Variants in SLC10A7 observed in about 807,000 individuals in gnomAD.
SLC10A7 encodes sodium/bile acid cotransporter 7.
In SLC10A7, 29 loss-of-function variants were observed where a neutral mutation model predicts 43.2. The ratio of observed to expected loss-of-function variants is 0.67; its 90% CI spans 0.50 to 0.92. The LOEUF (loss-of-function observed/expected upper bound fraction) is 0.92. Ranked by LOEUF, SLC10A7 falls within the 40% of genes least tolerant of loss-of-function variation. The pLI is 0.00. For missense variants in SLC10A7, 295 were observed against 403.2 expected, an observed-to-expected ratio of 0.73 and a Z score of 2.30; for synonymous variants, 152 against 144.8, an observed-to-expected ratio of 1.05 and a Z score of -0.35.
intron 7 of SLC10A7, among the ~76,000 whole-genome samples, chr4:146,297,596 G>A (rs1048494332): frequency 2.0e-5 from 3 of 152,088 alleles, no homozygotes; most frequent in African/African-American, 7.2e-5. Context: ...CACGTTGTCT[G>A]AATTTTAAGA....
chr4:146,445,914 T>TGTGC lies in SLC10A7; in HGVS notation c.397-3094_397-3093insGCAC, dbSNP rs1553974156. ...TTCTGTGTGTGTGTGTGTGTGTGTG[T>TGTGC]GCACGTGCGCACGCGCGTGCACGGG... On this transcript the variant is annotated intron_variant, in intron 4 of 11. Coordinates refer to ENST00000335472, the MANE Select transcript of SLC10A7 (RefSeq NM_001029998.6). Among the ~76,000 whole-genome samples, 5 of 151,122 alleles carry TGTGC rather than the reference T, an allele frequency of 3.3e-5. No individual in the cohort carries two copies. The South Asian group carries it at 1.1e-3, about 32-fold the overall frequency.
At chr4:146,438,610 T>C (rs966245419) in intron 5 of SLC10A7, among the ~76,000 whole-genome samples, 2 of 151,892 alleles carry the variant, frequency 1.3e-5, no homozygotes, top group Admixed American at 6.6e-5. Flanking sequence ...AGACTAGGAG[T>C]TACCAAAAAT....
intron 4 of SLC10A7, among the ~76,000 whole-genome samples, chr4:146,466,280 G>T (rs959900210): frequency 2.6e-5 from 4 of 152,142 alleles, no homozygotes; most frequent in Admixed American, 2.6e-4. Context: ...AAAACGTATA[G>T]TACTGAAGAC....
intron 2 of SLC10A7, among the ~76,000 whole-genome samples, chr4:146,511,969 C>CTTTTT (rs765683134): frequency 1.5e-4 from 15 of 98,860 alleles, no homozygotes; most frequent in African/African-American, 4.0e-4. Context: ...TGCATATACT[C>CTTTTT]TTTTTTTTTT....
At chr4:146,311,446 G>A (rs770494795) in intron 6 of SLC10A7, among the ~76,000 whole-genome samples, 3 of 151,984 alleles carry the variant, frequency 2.0e-5, no homozygotes, top group Admixed American at 6.6e-5. Context: ...CTGTGTAATC[G>A]GCCTTTTATC....
intron 4 of SLC10A7, among the ~76,000 whole-genome samples, chr4:146,483,834 A>G (rs1359539894): frequency 6.6e-6 from 1 of 152,160 alleles, no homozygotes; most frequent in Non-Finnish European, 1.5e-5. Flanking sequence ...TTATGTACTT[A>G]TATCTGATAA....
chr4:146,507,256 C>T (rs1560977267), intron 3 of SLC10A7, among the ~76,000 whole-genome samples: 1 of 152,190 alleles, frequency 6.6e-6, no homozygotes. Context: ...TGTGACTCCT[C>T]TTGCTCCTCA....
intron 1 of SLC10A7, among the ~76,000 whole-genome samples, 184 bp from the exon 2 acceptor site, chr4:146,517,304 A>C (rs995251782): frequency 6.6e-6 from 1 of 152,058 alleles, no homozygotes; most frequent in Non-Finnish European, 1.5e-5. Context: ...CTTTACTAAA[A>C]ATACAAAAAT....
chr4:146,519,317 C>T (rs1224482271), intron 1 of SLC10A7, among the ~76,000 whole-genome samples: 1 of 141,336 alleles, frequency 7.1e-6, no homozygotes, highest in Non-Finnish European at 1.5e-5. Context: ...ATATATAATA[C>T]ATTATTTAAC....
chr4:146,519,096 T>A (rs1237923908), intron 1 of SLC10A7, among the ~76,000 whole-genome samples: 5 of 63,838 alleles, frequency 7.8e-5, no homozygotes, highest in South Asian at 4.1e-4. Flanking sequence ...TATATATATA[T>A]ATATATATAT....
chr4:146,332,107 T>G (rs952723315), intron 5 of SLC10A7, among the ~76,000 whole-genome samples: 8 of 152,146 alleles, frequency 5.3e-5, no homozygotes, highest in Admixed American at 3.3e-4. Context: ...TTTCCTCTCC[T>G]CTGACTATAC....
intron 5 of SLC10A7, among the ~76,000 whole-genome samples, chr4:146,351,227 T>A (rs993213475): frequency 1.3e-5 from 2 of 149,358 alleles, no homozygotes; most frequent in South Asian, 4.3e-4. Flanking sequence ...GAGAACTACG[T>A]GAAGAATGCA....
intron 6 of SLC10A7, among the ~76,000 whole-genome samples, chr4:146,320,605 G>A (rs1703505341): frequency 6.6e-6 from 1 of 152,030 alleles, no homozygotes; most frequent in African/African-American, 2.4e-5. Flanking sequence ...GAAATAAAGT[G>A]GAGGGCAAGC....
chr4:146,394,684 T>C (rs1170156120), intron 5 of SLC10A7, among the ~76,000 whole-genome samples: 1 of 152,028 alleles, frequency 6.6e-6, no homozygotes, highest in East Asian at 1.9e-4. Context: ...CTTCAAGCAA[T>C]ACTGTATACT....
intron 5 of SLC10A7, among the ~76,000 whole-genome samples, chr4:146,354,836 T>C (rs1267130512): frequency 1.4e-5 from 2 of 138,416 alleles, no homozygotes; most frequent in Non-Finnish European, 3.1e-5. Context: ...CCTAGCCATA[T>C]GTAGAAAGCT....
At chr4:146,496,296 A>G (rs1735892764) in intron 4 of SLC10A7, among the ~76,000 whole-genome samples, 1 of 152,158 alleles carries the variant, frequency 6.6e-6, no homozygotes, top group African/African-American at 2.4e-5. Flanking sequence ...CTCAGAACAC[A>G]ATACCCTAAA....
intron 5 of SLC10A7, among the ~76,000 whole-genome samples, chr4:146,420,141 T>C (rs1266483191): frequency 1.3e-5 from 2 of 152,156 alleles, no homozygotes; most frequent in Non-Finnish European, 2.9e-5. Flanking sequence ...TAAAAGACTG[T>C]CTATTCACTT....
chr4:146,485,206 A>T (rs887761147), intron 4 of SLC10A7, among the ~76,000 whole-genome samples: 2 of 152,222 alleles, frequency 1.3e-5, no homozygotes, highest in African/African-American at 4.8e-5. Context: ...AAAGAAGATT[A>T]TCTTATTTGA....
chr4:146,497,645 A>G (rs1197992645), intron 4 of SLC10A7, among the ~76,000 whole-genome samples: 1 of 152,154 alleles, frequency 6.6e-6, no homozygotes, highest in African/African-American at 2.4e-5. Context: ...AAAGAAGACA[A>G]TGCCTCTTTC....
Sources: allele counts gnomAD v4.1 joint callset (sites outside exome capture counted in the v4.1 genomes callset), GRCh38; gene constraint gnomAD v4.1.1; transcripts MANE v1.5; gene names NCBI Gene and HGNC (gene_info 2026-07-23, HGNC 2026-07-21).